Variants in NFRKB observed in about 807,000 individuals in gnomAD.
The protein encoded by NFRKB is nuclear factor related to kappa-B-binding protein.
In NFRKB, 62 loss-of-function variants were observed where a neutral mutation model predicts 135.7. That is an observed-to-expected ratio of 0.46 (90% CI 0.37 to 0.56). NFRKB has a LOEUF of 0.56. Ranked by LOEUF, NFRKB falls within the 20% of genes least tolerant of loss-of-function variation. The probability of loss-of-function intolerance (pLI) is 0.00; values close to 1 mark genes in which losing one functional copy is unlikely to be tolerated. For missense variants in NFRKB, 1,545 were observed against 1,662.0 expected, an observed-to-expected ratio of 0.93 and a Z score of 1.22; for synonymous variants, 678 against 635.6, an observed-to-expected ratio of 1.07 and a Z score of -1.00.
chr11:129,874,877 A>T lies in NFRKB; in HGVS notation c.1894T>A (p.Tyr632Asn). 6.2e-7 allele frequency: 1 copy of T among 1,614,194 alleles called. No homozygotes were observed. Among genetic ancestry groups the T allele is most frequent in the South Asian group, 1.1e-5 (1 of 91,072 alleles). The change falls in exon 19 of 27, where the codon TAC becomes AAC. Residue 632 changes from tyrosine to asparagine, a missense_variant. Transcript: ENST00000682444. This position sits in a 1 kb window ranked among gnomAD's most constrained non-coding sequence, Gnocchi z 4.5. ...TATTTCACACAGGGATCTTTTTCGT[A>T]ATGTAGCCGATCCAGTGCACCACTC... is the stretch of plus-strand genomic sequence containing the variant. ...VVSGALDRLHYEKDPCVKYDI... is the reference protein window; with the variant it reads ...VVSGALDRLHNEKDPCVKYDI...
intron 8 of NFRKB, among the ~76,000 whole-genome samples, 171 bp downstream of exon 8, chr11:129,883,899 G>A (rs896130865): frequency 6.6e-5 from 10 of 152,156 alleles, no homozygotes; most frequent in Admixed American, 5.2e-4. Flanking sequence ...CGAAGTCAAA[G>A]CCACCGTGCC....
Position 129,874,469 on chromosome 11 carries a change from C to G in NFRKB, c.2058+32G>C. ...TCTTAGTTGCCTCCATCCCAGAATC[C>G]CTAGGGCAGACACTCTCCTGAAGTC... is the stretch of plus-strand genomic sequence containing the variant. On this transcript the variant is annotated intron_variant, in intron 20 of 26. Transcript: ENST00000682444. This position sits in a 1 kb window ranked among gnomAD's most constrained non-coding sequence, Gnocchi z 4.5. The G allele has an allele frequency of 6.2e-7, 1 of 1,604,092 alleles. No homozygotes were observed. The highest frequency in any genetic ancestry group is 8.5e-7 in the Non-Finnish European group (1 of 1,176,138).
In NFRKB at chr11:129,885,617, G is replaced by C. The variant is rs1378290945; in HGVS notation, c.466-8C>G. On this transcript the variant is annotated splice_polypyrimidine_tract_variant and splice_region_variant and intron_variant, in intron 5 of 26. Coordinates refer to ENST00000682444, the MANE Select transcript of NFRKB (RefSeq NM_001143835.2). The stretch of plus-strand genomic sequence containing the variant: ...GGCCATCTCCAGCAGATCCTAGGTA[G>C]AGATCAGGTGGGGGTACAAGTCATC... 6.2e-7 allele frequency: 1 copy of C among 1,601,396 alleles called. No homozygotes were observed.
chr11:129,890,328 A>T (rs1949499268), intron 3 of NFRKB, among the ~76,000 whole-genome samples: 1 of 151,990 alleles, frequency 6.6e-6, no homozygotes, highest in African/African-American at 2.4e-5. Flanking sequence ...CTAGCATCTA[A>T]CTCAGTGTCT....
At chr11:129,877,194 C>G (rs1948807155) in intron 16 of NFRKB, 131 bp downstream of exon 16, 1 of 940,026 alleles carries the variant, frequency 1.1e-6, no homozygotes, top group Non-Finnish European at 1.7e-6. Flanking sequence ...CAAGTAATCC[C>G]AGCCAACAGA....
chr11:129,890,807 C>A (rs938683701), intron 3 of NFRKB, among the ~76,000 whole-genome samples: 1 of 152,142 alleles, frequency 6.6e-6, no homozygotes, highest in African/African-American at 2.4e-5. Context: ...AGGGCACGTA[C>A]CATTATTGAG....
Position 129,874,634 on chromosome 11 carries a change from A to G in NFRKB, c.1979-54T>C. On this transcript the variant is annotated intron_variant, in intron 19 of 26. Coordinates refer to ENST00000682444, the MANE Select transcript of NFRKB (RefSeq NM_001143835.2). This position sits in a 1 kb window ranked among gnomAD's most constrained non-coding sequence, Gnocchi z 4.5. ...AGAGTTTAACCTTAGCAAACTAAAAAGAGGGGCTTTGTTAAAAACCAACAC... is the reference window on the plus strand; with the variant it reads ...AGAGTTTAACCTTAGCAAACTAAAAGGAGGGGCTTTGTTAAAAACCAACAC... The G allele has an allele frequency of 6.2e-7, 1 of 1,607,848 alleles. No individual in the cohort carries two copies. The highest frequency in any genetic ancestry group is 1.1e-5 in the South Asian group (1 of 90,274).
intron 16 of NFRKB, among the ~76,000 whole-genome samples, 168 bp downstream of exon 16, chr11:129,877,157 C>T (rs1441520720): frequency 6.6e-6 from 1 of 152,132 alleles, no homozygotes; most frequent in African/African-American, 2.4e-5. Context: ...TTCTTACTCC[C>T]CTTCCCCACA....
rs1321487991 is a variant in NFRKB, at chr11:129,865,933, T to C, written c.3582A>G (p.Pro1194=). ...ITVPLSVISQ[P]MKGKSVVTAP... The stretch of plus-strand genomic sequence containing the variant: ...CTGTGACCACGCTCTTGCCCTTCAT[T>C]GGCTGGCTGATCACAGAGAGGGGAA... Residue 1194 remains proline, a synonymous_variant, in exon 25 of 27, where the codon CCA becomes CCG. Coordinates refer to ENST00000682444, the MANE Select transcript of NFRKB (RefSeq NM_001143835.2). The C allele has an allele frequency of 2.5e-6, 4 of 1,613,776 alleles. No homozygotes were observed. The highest frequency in any genetic ancestry group is 1.1e-5 in the South Asian group (1 of 91,050).
In NFRKB at chr11:129,886,454, AT is replaced by A; in HGVS notation, c.338-11del. The stretch of plus-strand genomic sequence containing the variant: ...GGGTTAAAGTGTCCGTCTTAAAAAA[AT>A]AAAGGTATATATATTTACATCAATC... On this transcript the variant is annotated splice_polypyrimidine_tract_variant and intron_variant, in intron 4 of 26. Coordinates refer to ENST00000682444, the MANE Select transcript of NFRKB (RefSeq NM_001143835.2). 6.2e-7 allele frequency: 1 copy of A among 1,612,558 alleles called. No homozygotes were observed. Among genetic ancestry groups the A allele is most frequent in the Non-Finnish European group, 8.5e-7 (1 of 1,179,006 alleles).
At chr11:129,864,933 C>T (rs377671154) in intron 26 of NFRKB, 33 bp downstream of exon 26, 25 of 1,611,862 alleles carry the variant, frequency 1.6e-5, no homozygotes, top group Middle Eastern at 1.7e-4. Flanking sequence ...AGAGAGGAGC[C>T]GGATATGGCC....
rs767646393 is a variant in NFRKB, at chr11:129,874,433, C to T, written c.2058+68G>A. The T allele has an allele frequency of 2.4e-5, 37 of 1,563,424 alleles. No homozygotes were observed. Among genetic ancestry groups the T allele is most frequent in the African/African-American group, 6.8e-5 (5 of 73,220 alleles). ...CTGATGCCCCACACCAAGTGAAAGC[C>T]GAGCAGCCACTCTTAGTTGCCTCCA... On this transcript the variant is annotated intron_variant, in intron 20 of 26. Transcript: ENST00000682444. The surrounding 1 kb of genome is among the most constrained non-coding windows in gnomAD (Gnocchi z 4.5).
intron 7 of NFRKB, 46 bp from the exon 8 acceptor site, chr11:129,884,189 T>G: frequency 6.4e-7 from 1 of 1,551,778 alleles, no homozygotes; most frequent in South Asian, 1.1e-5. Flanking sequence ...ATTCTCCAAT[T>G]TACATCTTTC....
chr11:129,885,318 G>T, intron 6 of NFRKB, 117 bp downstream of exon 6: 1 of 1,208,192 alleles, frequency 8.3e-7, no homozygotes, highest in Non-Finnish European at 1.2e-6. Flanking sequence ...CCCCAGACCA[G>T]ACAACTCAAG....
At position 129,874,039 on chromosome 11, in the gene NFRKB, C is replaced by A; in HGVS notation, c.2280-24G>T. On this transcript the variant is annotated intron_variant, in intron 21 of 26. Transcript: ENST00000682444. The surrounding 1 kb of genome is among the most constrained non-coding windows in gnomAD (Gnocchi z 4.5). ...CACTATGAAGAACATCGGGGAAAGA[C>A]AAAAAACAAAAACTTAGGACATGCA... The A allele has an allele frequency of 1.9e-6, 3 of 1,597,172 alleles. No homozygotes were observed. Among genetic ancestry groups the A allele is most frequent in the Admixed American group, 1.7e-5 (1 of 58,048 alleles).
intron 3 of NFRKB, 72 bp downstream of exon 3, chr11:129,892,643 G>A (rs956287126): frequency 2.6e-6 from 4 of 1,517,648 alleles, no homozygotes; most frequent in Non-Finnish European, 3.6e-6. Flanking sequence ...AATGTAGAGT[G>A]GAAAAGGTTT....
At chr11:129,888,524 G>A in intron 4 of NFRKB, 70 bp downstream of exon 4, 2 of 1,383,956 alleles carry the variant, frequency 1.4e-6, no homozygotes, top group Non-Finnish European at 2.1e-6. Context: ...AGGAAGAAAG[G>A]AATACCCACA....
Position 129,864,507 on chromosome 11 carries a change from G to C in NFRKB, c.*218C>G. On this transcript the variant is annotated 3_prime_UTR_variant, in exon 27 of 27. Transcript: ENST00000682444. ...CAGAATATTCTCCTAGATTGGTAGA[G>C]AGCAGACCTTGGAACCCTGGAGTGA... 1.8e-6 allele frequency: 1 copy of C among 564,470 alleles called. No individual in the cohort carries two copies. Among genetic ancestry groups the C allele is most frequent in the Non-Finnish European group, 3.1e-6 (1 of 319,358 alleles). 35.0% of individuals were successfully genotyped at this position (564,470 alleles called of 1,614,324 possible).
chr11:129,884,655 G>A, intron 7 of NFRKB, 90 bp downstream of exon 7: 4 of 1,433,394 alleles, frequency 2.8e-6, no homozygotes, highest in Admixed American at 1.9e-5. Flanking sequence ...TGGTAGGTAG[G>A]AATCTGCCCC....
Sources: gnomAD v4.1 joint callset for allele counts (sites outside exome capture counted in the v4.1 genomes callset) on GRCh38, gnomAD v4.1.1 for gene constraint, Gnocchi (gnomAD v3.1) non-coding constraint, MANE v1.5 for transcripts, NCBI Gene and HGNC (gene_info 2026-07-23, HGNC 2026-07-21) for gene names.